Variants in GPR89A observed in about 807,000 individuals in gnomAD.
GPR89A encodes the protein G protein-coupled receptor 89A.
GPR89A carries 16 observed loss-of-function variants against 52.0 expected under a neutral mutation model. The observed-to-expected ratio is 0.31, with a 90% CI of 0.21 to 0.47. The LOEUF (loss-of-function observed/expected upper bound fraction) is 0.47. Ranked by LOEUF, GPR89A falls within the 20% of genes least tolerant of loss-of-function variation. The pLI is 1.00. For synonymous variants in GPR89A, 55 were observed against 150.9 expected (o/e 0.36, Z 4.66); for missense variants, 135 against 449.4 (o/e 0.30, Z 6.33).
intron 7 of GPR89A, among the ~76,000 whole-genome samples, chr1:145,635,286 G>C (rs1404173224): frequency 1.3e-5 from 2 of 152,102 alleles, no homozygotes; most frequent in African/African-American, 4.8e-5. Context: ...GGCGCCTGTA[G>C]TCCCAGCTAC....
At chr1:145,621,111 C>G (rs1553688055) in intron 3 of GPR89A, among the ~76,000 whole-genome samples, 1 of 151,748 alleles carries the variant, frequency 6.6e-6, no homozygotes, top group South Asian at 2.1e-4. Context: ...TACTGAATGG[C>G]TCTTTGTTTC....
At chr1:145,662,991 A>G (rs1553695871) in intron 10 of GPR89A, among the ~76,000 whole-genome samples, 1 of 152,156 alleles carries the variant, frequency 6.6e-6, no homozygotes, top group African/African-American at 2.4e-5. Context: ...AATAACCACA[A>G]GGAATTACCC....
At chr1:145,624,545 C>G in intron 5 of GPR89A, among the ~76,000 whole-genome samples, 1 of 151,286 alleles carries the variant, frequency 6.6e-6, no homozygotes, top group Admixed American at 6.6e-5. Flanking sequence ...TATTCACCAT[C>G]CTGCCGTACC....
chr1:145,626,764 A>G (rs1649524335), intron 5 of GPR89A, among the ~76,000 whole-genome samples: 1 of 151,882 alleles, frequency 6.6e-6, no homozygotes, highest in Non-Finnish European at 1.5e-5. Flanking sequence ...AGCCTGGCCA[A>G]CATGGCAAAA....
At chr1:145,654,537 A>G (rs2101823645) in intron 10 of GPR89A, among the ~76,000 whole-genome samples, 1 of 132,428 alleles carries the variant, frequency 7.6e-6, no homozygotes, top group Non-Finnish European at 1.6e-5. Context: ...TGGGTGACAG[A>G]GCAAGAATCC....
intron 10 of GPR89A, among the ~76,000 whole-genome samples, chr1:145,655,198 GT>G (rs1215115854): frequency 2.0e-5 from 3 of 151,748 alleles, no homozygotes; most frequent in Admixed American, 2.0e-4. Context: ...CTCCTATAAT[GT>G]TTTATCATGG....
At chr1:145,652,975 T>C (rs1651560875) in intron 10 of GPR89A, among the ~76,000 whole-genome samples, 1 of 113,098 alleles carries the variant, frequency 8.8e-6, no homozygotes, top group Non-Finnish European at 1.7e-5. Context: ...CTCTATCTCC[T>C]GCAGTTCTGC....
At chr1:145,649,222 C>T (rs1342357579) in intron 10 of GPR89A, among the ~76,000 whole-genome samples, 5 of 151,654 alleles carry the variant, frequency 3.3e-5, no homozygotes, top group East Asian at 1.9e-4. Context: ...ACCATCACCA[C>T]GGTCAAGACA....
At chr1:145,640,818 A>T (rs1650607680) in intron 7 of GPR89A, among the ~76,000 whole-genome samples, 1 of 148,946 alleles carries the variant, frequency 6.7e-6, no homozygotes, top group Non-Finnish European at 1.5e-5. Context: ...TTCAAAGCTT[A>T]CATTTAAAAA....
intron 9 of GPR89A, 144 bp from the exon 10 acceptor site, chr1:145,647,031 C>A: frequency 1.6e-6 from 2 of 1,290,152 alleles, no homozygotes; most frequent in Admixed American, 2.8e-5. Context: ...ATGCTGGCCA[C>A]AACTACTGTT....
chr1:145,635,291 A>G (rs1178872641), intron 7 of GPR89A, among the ~76,000 whole-genome samples: 1 of 152,182 alleles, frequency 6.6e-6, no homozygotes, highest in Non-Finnish European at 1.5e-5. Context: ...CTGTAGTCCC[A>G]GCTACTCGGG....
intron 3 of GPR89A, among the ~76,000 whole-genome samples, chr1:145,620,222 T>C (rs1553687894): frequency 6.6e-6 from 1 of 152,214 alleles, no homozygotes; most frequent in East Asian, 1.9e-4. Flanking sequence ...TAGGTTTCTG[T>C]GGACCAGAAG....
chr1:145,614,492 T>C (rs1436768777), intron 1 of GPR89A, among the ~76,000 whole-genome samples: 1 of 152,154 alleles, frequency 6.6e-6, no homozygotes, highest in Non-Finnish European at 1.5e-5. Context: ...TAAGATTGAA[T>C]GCTGAAGAAT....
At chr1:145,660,649 A>C (rs1652127726) in intron 10 of GPR89A, among the ~76,000 whole-genome samples, 1 of 152,104 alleles carries the variant, frequency 6.6e-6, no homozygotes. Flanking sequence ...GGCGAAGGAC[A>C]TGAACAGACA....
chr1:145,626,747 A>G (rs1649523909), intron 5 of GPR89A, among the ~76,000 whole-genome samples: 1 of 151,634 alleles, frequency 6.6e-6, no homozygotes, highest in Non-Finnish European at 1.5e-5. Flanking sequence ...GCCAGGAGTT[A>G]GAGACCAGCC....
chr1:145,640,871 G>A (rs1553691656), intron 7 of GPR89A, among the ~76,000 whole-genome samples: 1 of 150,956 alleles, frequency 6.6e-6, no homozygotes, highest in Non-Finnish European at 1.5e-5. Context: ...ACATTTTATT[G>A]TAGAGGATAT....
chr1:145,662,268 T>A (rs1455250102), intron 10 of GPR89A, among the ~76,000 whole-genome samples: 1 of 152,166 alleles, frequency 6.6e-6, no homozygotes, highest in African/African-American at 2.4e-5. Context: ...TGAAGCTCTG[T>A]CATTAGGTGT....
chr1:145,666,187 AT>A (rs1652540536), intron 12 of GPR89A, among the ~76,000 whole-genome samples: 1 of 143,440 alleles, frequency 7.0e-6, no homozygotes, highest in Non-Finnish European at 1.5e-5. Context: ...ACTAAAGGTG[AT>A]AGAGTAAGAT....
intron 1 of GPR89A, among the ~76,000 whole-genome samples, chr1:145,612,689 A>G (rs1648386073): frequency 6.6e-6 from 1 of 152,156 alleles, no homozygotes; most frequent in South Asian, 2.1e-4. Flanking sequence ...AAAGTTACCT[A>G]ATCATATTAA....
Sources: allele counts gnomAD v4.1 joint callset (sites outside exome capture counted in the v4.1 genomes callset), GRCh38; gene constraint gnomAD v4.1.1; transcripts MANE v1.5; gene names NCBI Gene and HGNC (gene_info 2026-07-23, HGNC 2026-07-21).